The following PCDH9 variants were observed in gnomAD, a reference collection of about 807,000 sequenced individuals.
The protein encoded by PCDH9 is protocadherin-9.
Under a neutral mutation model 70.6 loss-of-function variants are expected in PCDH9, and 24 were observed. The ratio of observed to expected loss-of-function variants is 0.34; its 90% CI spans 0.25 to 0.48. The LOEUF (loss-of-function observed/expected upper bound fraction) is 0.48, where lower values mean the gene tolerates loss of function less well. Ranked by LOEUF, PCDH9 falls within the 20% of genes least tolerant of loss-of-function variation. The pLI is 0.99. For synonymous variants in PCDH9, 562 were observed against 558.5 expected, an observed-to-expected ratio of 1.01 and a Z score of -0.09; for missense variants, 1,281 against 1,503.6, an observed-to-expected ratio of 0.85 and a Z score of 2.45.
At chr13:66,901,574 A>G (rs562417007) in intron 3 of PCDH9, among the ~76,000 whole-genome samples, 2 of 151,890 alleles carry the variant, frequency 1.3e-5, no homozygotes, top group South Asian at 4.1e-4. Flanking sequence ...AATAAACTAT[A>G]GTAGATTTAC....
At chr13:66,814,979 A>G (rs2080575821) in intron 3 of PCDH9, among the ~76,000 whole-genome samples, 1 of 151,028 alleles carries the variant, frequency 6.6e-6, no homozygotes, top group Non-Finnish European at 1.5e-5. Flanking sequence ...GACAACCTAC[A>G]GTATGGGAGA....
chr13:66,440,630 A>T (rs1002486462), intron 4 of PCDH9, among the ~76,000 whole-genome samples: 1 of 152,146 alleles, frequency 6.6e-6, no homozygotes, highest in Admixed American at 6.6e-5. Flanking sequence ...TGAAATCTCA[A>T]GGCAAATAGC....
At chr13:66,611,437 C>G (rs1331501509) in intron 4 of PCDH9, among the ~76,000 whole-genome samples, 1 of 152,030 alleles carries the variant, frequency 6.6e-6, no homozygotes, top group Non-Finnish European at 1.5e-5. Context: ...ATATGTAACC[C>G]AAAGCTCACC....
intron 2 of PCDH9, among the ~76,000 whole-genome samples, chr13:67,003,321 A>T (rs2084282868): frequency 6.6e-6 from 1 of 152,168 alleles, no homozygotes; most frequent in Non-Finnish European, 1.5e-5. Flanking sequence ...CATTTTATAT[A>T]TATAAAAATA....
intron 2 of PCDH9, among the ~76,000 whole-genome samples, chr13:67,037,007 G>T (rs1425603497): frequency 6.6e-6 from 1 of 152,100 alleles, no homozygotes; most frequent in Admixed American, 6.6e-5. Flanking sequence ...TAAAACCAGG[G>T]TTTAACATAC....
intron 2 of PCDH9, among the ~76,000 whole-genome samples, chr13:67,093,743 G>A (rs1012308567): frequency 1.3e-5 from 2 of 152,142 alleles, no homozygotes; most frequent in African/African-American, 2.4e-5. Flanking sequence ...GGGGCTGTCA[G>A]CCATTTGGAC....
chr13:67,091,495 C>T (rs953044176), intron 2 of PCDH9, among the ~76,000 whole-genome samples: 5 of 152,064 alleles, frequency 3.3e-5, no homozygotes, highest in African/African-American at 1.2e-4. Flanking sequence ...TGTTCTCTTA[C>T]TGTTACATGT....
intron 3 of PCDH9, among the ~76,000 whole-genome samples, chr13:66,890,618 T>C (rs1396868906): frequency 6.6e-6 from 1 of 152,074 alleles, no homozygotes; most frequent in Non-Finnish European, 1.5e-5. Flanking sequence ...TCAAGAAAGA[T>C]AGCACCCCTA....
intron 2 of PCDH9, among the ~76,000 whole-genome samples, chr13:67,189,145 T>TACAC (rs773412648): frequency 1.3e-5 from 2 of 150,502 alleles, no homozygotes; most frequent in Admixed American, 6.6e-5. Context: ...TATGAAGGAA[T>TACAC]ACACACACAC....
chr13:66,648,161 T>C (rs753591871), intron 3 of PCDH9, among the ~76,000 whole-genome samples: 1 of 152,188 alleles, frequency 6.6e-6, no homozygotes, highest in East Asian at 1.9e-4. Context: ...CACAACCTAG[T>C]TGGCTTTGCC....
At chr13:67,191,215 T>C (rs1376140711) in intron 2 of PCDH9, among the ~76,000 whole-genome samples, 2 of 152,158 alleles carry the variant, frequency 1.3e-5, no homozygotes, top group Non-Finnish European at 2.9e-5. Flanking sequence ...AATATATTCT[T>C]ATCACATAAT....
chr13:66,704,145 C>T (rs1302608595), intron 3 of PCDH9, among the ~76,000 whole-genome samples: 3 of 152,152 alleles, frequency 2.0e-5, no homozygotes, highest in African/African-American at 7.2e-5. Context: ...AGGCATGTAG[C>T]TCTCATATAG....
At chr13:66,406,423 T>C (rs958451468) in intron 4 of PCDH9, among the ~76,000 whole-genome samples, 4 of 152,332 alleles carry the variant, frequency 2.6e-5, no homozygotes, top group Non-Finnish European at 2.9e-5. Flanking sequence ...TACTAGACTA[T>C]AAGCACACAT....
chr13:67,122,919 AT>A (rs1258327826), intron 2 of PCDH9, among the ~76,000 whole-genome samples: 1 of 151,942 alleles, frequency 6.6e-6, no homozygotes, highest in African/African-American at 2.4e-5. Flanking sequence ...TATTTATTTT[AT>A]TTTTTTGGAG....
intron 2 of PCDH9, among the ~76,000 whole-genome samples, chr13:67,094,059 CT>C (rs555925291): frequency 3.3e-5 from 5 of 152,110 alleles, no homozygotes; most frequent in Non-Finnish European, 7.4e-5. Context: ...CTTTATACCC[CT>C]CTAATCTGTG....
chr13:66,442,700 G>C (rs1957997245), intron 4 of PCDH9, among the ~76,000 whole-genome samples: 1 of 151,836 alleles, frequency 6.6e-6, no homozygotes, highest in African/African-American at 2.4e-5. Context: ...TTATTTCGGT[G>C]TGAACTTTAG....
rs17082164 is a variant in PCDH9, at chr13:67,142,166, C to A, written c.3036+83239G>T. On this transcript the variant is annotated intron_variant, in intron 2 of 4. Coordinates refer to ENST00000377865, the MANE Select transcript of PCDH9 (RefSeq NM_203487.3). ...ATTAAGAATGTGGAAAAACCCTTTT[C>A]ATCCCATTGTTCTGCTACCGTAAGT... is the stretch of plus-strand genomic sequence containing the variant. Among the ~76,000 whole-genome samples the A allele has an allele frequency of 1.2e-3, 190 of 152,238 alleles. 1 individual carries two copies. The highest frequency in any genetic ancestry group is 4.3e-3 in the African/African-American group (179 of 41,554).
At chr13:66,996,983 A>G (rs1171770913) in intron 2 of PCDH9, among the ~76,000 whole-genome samples, 5 of 152,198 alleles carry the variant, frequency 3.3e-5, no homozygotes, top group Non-Finnish European at 1.5e-5. Flanking sequence ...TAGATATGAA[A>G]GACACTGGAA....
intron 4 of PCDH9, among the ~76,000 whole-genome samples, chr13:66,419,992 G>A (rs1404998628): frequency 6.6e-6 from 1 of 151,986 alleles, no homozygotes; most frequent in Non-Finnish European, 1.5e-5. Context: ...TGGGGGGAGG[G>A]GCATCCGCCA....
Sources: allele counts gnomAD v4.1 joint callset (sites outside exome capture counted in the v4.1 genomes callset), GRCh38; gene constraint gnomAD v4.1.1; transcripts MANE v1.5; gene names NCBI Gene and HGNC (gene_info 2026-07-23, HGNC 2026-07-21).